The following PCDH11X variants were observed in gnomAD, a reference collection of about 807,000 sequenced individuals.
PCDH11X encodes the protein protocadherin 11 X-linked.
Under a neutral mutation model 53.3 loss-of-function variants are expected in PCDH11X, and 18 were observed. The ratio of observed to expected loss-of-function variants is 0.34; its 90% CI spans 0.23 to 0.50. PCDH11X has a LOEUF of 0.50. PCDH11X is among the 20% of genes least tolerant of loss of function. The pLI is 0.98. For missense variants in PCDH11X, 570 were observed against 1,032.4 expected, an observed-to-expected ratio of 0.55 and a Z score of 6.14; for synonymous variants, 279 against 393.3, an observed-to-expected ratio of 0.71 and a Z score of 3.44.
chrX:92,105,887 G>C (rs907086258), intron 6 of PCDH11X, among the ~76,000 whole-genome samples: 6 of 111,454 alleles, frequency 5.4e-5, no homozygotes, highest in African/African-American at 2.0e-4. Context: ...CAGGGGATGC[G>C]ATGGCTTGGC....
At chrX:92,231,200 G>T (rs1050322742) in intron 7 of PCDH11X, among the ~76,000 whole-genome samples, 2 of 111,417 alleles carry the variant, frequency 1.8e-5, no homozygotes, top group Non-Finnish European at 3.8e-5. Flanking sequence ...TGTCCTGGTA[G>T]ATGGGAATAT....
chrX:92,562,032 C>T (rs1336756165), intron 10 of PCDH11X, among the ~76,000 whole-genome samples: 1 of 104,891 alleles, frequency 9.5e-6, no homozygotes, highest in Non-Finnish European at 1.9e-5. Context: ...CACAGTCATG[C>T]AGGTTGTACA....
rs2525173 is a variant in PCDH11X at position 91,900,998 on chromosome X, C to T, written c.3033+21725C>T. ...TGTGTCTACTCTGTGTCAGGCACAC[C>T]GGGGCCTCAGGAAGTGAATGAGCTT... is the stretch of plus-strand genomic sequence containing the variant. On this transcript the variant is annotated intron_variant, in intron 6 of 10. Transcript: ENST00000682573. Among the ~76,000 whole-genome samples the T allele has an allele frequency of 1.1e-3, 126 of 111,060 alleles. 3 individuals carry two copies. The South Asian group carries it at 0.036, about 31-fold the overall frequency.
At chrX:91,972,414 T>C (rs753822528) in intron 6 of PCDH11X, among the ~76,000 whole-genome samples, 1 of 95,505 alleles carries the variant, frequency 1.0e-5, no homozygotes, top group East Asian at 3.4e-4. Flanking sequence ...TTCACTCTGA[T>C]GGTAGTTTCT....
intron 1 of PCDH11X, among the ~76,000 whole-genome samples, chrX:91,781,739 T>C (rs1344457036): frequency 4.5e-5 from 5 of 111,827 alleles, no homozygotes; most frequent in Admixed American, 3.7e-4. Context: ...AGTAATAGTG[T>C]ATGTACACGT....
rs750522208 is a variant in PCDH11X at position 91,878,649 on chromosome X, A to C, written c.2409A>C (p.Val803=). The change falls in exon 6 of 11, where the codon GTA becomes GTC. Residue 803 remains valine (V), a synonymous_variant. Transcript: ENST00000682573. ...PVTPNTEIAD[V]SSPTSDYVKI... ...CCCCAAATACTGAGATAGCTGATGT[A>C]TCCTCACCAACTAGTGACTATGTCA... 5.0e-6 allele frequency: 6 copies of C among 1,211,038 alleles called. No individual in the cohort carries two copies. The highest frequency in any genetic ancestry group is 6.7e-6 in the Non-Finnish European group (6 of 895,303).
chrX:92,400,179 A>G (rs1229676182), intron 9 of PCDH11X, among the ~76,000 whole-genome samples: 1 of 111,232 alleles, frequency 9.0e-6, no homozygotes, highest in African/African-American at 3.3e-5. Context: ...TTTCTAGGAA[A>G]CTGATCAGAA....
intron 7 of PCDH11X, among the ~76,000 whole-genome samples, chrX:92,259,969 T>C (rs2067679656): frequency 8.9e-6 from 1 of 111,745 alleles, no homozygotes. Flanking sequence ...GTTTCCAAGA[T>C]GCAAGACAAA....
intron 10 of PCDH11X, among the ~76,000 whole-genome samples, chrX:92,506,636 GTTT>G: frequency 1.1e-5 from 1 of 89,234 alleles, no homozygotes; most frequent in Admixed American, 1.2e-4. Flanking sequence ...CAGTTTGCTA[GTTT>G]TTTTTTTTTT....
chrX:91,957,222 G>T (rs1050634858), intron 6 of PCDH11X, among the ~76,000 whole-genome samples: 1 of 109,549 alleles, frequency 9.1e-6, no homozygotes, highest in Non-Finnish European at 1.9e-5. Context: ...GCTCAATGTG[G>T]TTTGTTATTA....
At chrX:91,940,501 G>A (rs997332645) in intron 6 of PCDH11X, among the ~76,000 whole-genome samples, 4 of 110,837 alleles carry the variant, frequency 3.6e-5, no homozygotes, top group East Asian at 2.9e-4. Flanking sequence ...GCACACATGC[G>A]CATGTATACA....
chrX:92,058,556 T>G (rs1451552227), intron 6 of PCDH11X, among the ~76,000 whole-genome samples: 1 of 112,003 alleles, frequency 8.9e-6, no homozygotes, highest in Non-Finnish European at 1.9e-5. Context: ...CCTCATAGTA[T>G]GTGTAATTCA....
intron 6 of PCDH11X, among the ~76,000 whole-genome samples, chrX:92,155,655 C>A (rs368277646): frequency 1.1e-5 from 1 of 92,242 alleles, no homozygotes; most frequent in Non-Finnish European, 2.0e-5. Context: ...GAGACAGAGT[C>A]TCGCTCTGTC....
intron 6 of PCDH11X, among the ~76,000 whole-genome samples, chrX:91,977,114 T>G (rs34795384): frequency 8.9e-6 from 1 of 111,866 alleles, no homozygotes; most frequent in Non-Finnish European, 1.9e-5. Flanking sequence ...TGCCACACTA[T>G]GGTTGTAGAA....
At chrX:92,457,577 G>A (rs1174609618) in intron 9 of PCDH11X, among the ~76,000 whole-genome samples, 5 of 108,896 alleles carry the variant, frequency 4.6e-5, no homozygotes, top group Admixed American at 3.9e-4. Context: ...CCATACTTTC[G>A]TTTCAATTAT....
intron 6 of PCDH11X, among the ~76,000 whole-genome samples, chrX:91,968,008 T>A (rs769809380): frequency 1.8e-5 from 2 of 111,884 alleles, no homozygotes; most frequent in East Asian, 5.7e-4. Flanking sequence ...AACAATGTCT[T>A]CTGAATGCGA....
chrX:92,439,042 CT>C (rs2072454501), intron 9 of PCDH11X, among the ~76,000 whole-genome samples: 2 of 110,783 alleles, frequency 1.8e-5, no homozygotes, highest in African/African-American at 6.5e-5. Flanking sequence ...ATTTTTAATA[CT>C]TTTGTATTAG....
intron 5 of PCDH11X, among the ~76,000 whole-genome samples, chrX:91,838,259 C>T (rs1937376025): frequency 8.9e-6 from 1 of 111,735 alleles, no homozygotes; most frequent in Non-Finnish European, 1.9e-5. Flanking sequence ...TTTCATTTGA[C>T]ATTCTTTGAA....
At chrX:92,293,179 G>A (rs1009596323) in intron 8 of PCDH11X, among the ~76,000 whole-genome samples, 2 of 111,008 alleles carry the variant, frequency 1.8e-5, no homozygotes, top group Non-Finnish European at 3.8e-5. Flanking sequence ...TTGATGTCAA[G>A]TTTAACAGAA....
Sources: gnomAD v4.1 joint callset for allele counts (sites outside exome capture counted in the v4.1 genomes callset) on GRCh38, gnomAD v4.1.1 for gene constraint, MANE v1.5 for transcripts, NCBI Gene and HGNC (gene_info 2026-07-23, HGNC 2026-07-21) for gene names.